The following RPAP2 variants were observed in gnomAD, a reference collection of about 807,000 sequenced individuals.
The protein encoded by RPAP2 is putative RNA polymerase II subunit B1 CTD phosphatase RPAP2.
RPAP2 carries 52 observed loss-of-function variants against 73.1 expected under a neutral mutation model. The observed-to-expected ratio is 0.71, with a 90% CI of 0.57 to 0.90. RPAP2 has a LOEUF of 0.90. Among genes scored for constraint, RPAP2 ranks in the 40% least tolerant of loss-of-function variants. RPAP2 has a pLI of 0.00. For missense variants in RPAP2, 598 were observed against 701.8 expected (o/e 0.85, Z 1.67); for synonymous variants, 225 against 242.1 (o/e 0.93, Z 0.65).
At chr1:92,328,121 G>T (rs2101201655) in intron 8 of RPAP2, among the ~76,000 whole-genome samples, 1 of 152,314 alleles carries the variant, frequency 6.6e-6, no homozygotes, top group East Asian at 1.9e-4. Flanking sequence ...ATAACCTGAT[G>T]ACTATGTGCC....
intron 10 of RPAP2, among the ~76,000 whole-genome samples, chr1:92,338,457 T>C (rs947685270): frequency 6.6e-6 from 1 of 152,158 alleles, no homozygotes; most frequent in South Asian, 2.1e-4. Context: ...CACAGAACCA[T>C]GCATCCAAAA....
At chr1:92,358,628 C>T (rs935354884) in intron 11 of RPAP2, among the ~76,000 whole-genome samples, 3 of 152,072 alleles carry the variant, frequency 2.0e-5, no homozygotes, top group Admixed American at 6.6e-5. Flanking sequence ...CGCTCTGTCA[C>T]CCAGGCTAAA....
rs1005614063 is a variant in RPAP2, at chr1:92,326,369, G to C, written c.1455+1994G>C. 4.6e-5 allele frequency among the ~76,000 whole-genome samples: 7 copies of C among 152,296 alleles called. No individual in the cohort carries two copies. In the South Asian group the frequency reaches 6.2e-4, roughly 14 times the overall value. ...CACCTGCTCTGGTGGAGATGGCAGG[G>C]GGGTGAAATGGATTCTGTGAGGATC... On this transcript the variant is annotated intron_variant, in intron 8 of 12. Coordinates refer to ENST00000610020, the MANE Select transcript of RPAP2 (RefSeq NM_024813.3).
chr1:92,311,571 T>C (rs966986583), intron 6 of RPAP2, among the ~76,000 whole-genome samples: 7 of 152,204 alleles, frequency 4.6e-5, no homozygotes, highest in African/African-American at 1.7e-4. Flanking sequence ...AATTTGAACT[T>C]GGCATCACTG....
intron 12 of RPAP2, among the ~76,000 whole-genome samples, chr1:92,382,922 A>C (rs1410073931): frequency 6.8e-6 from 1 of 147,440 alleles, no homozygotes; most frequent in Non-Finnish European, 1.5e-5. Flanking sequence ...TAAGTCTTTA[A>C]TCCATCTTGA....
rs1652457085 is a variant in RPAP2, at chr1:92,323,786, A to G, written c.866A>G (p.Glu289Gly). Residue 289 changes from glutamate (E) to glycine (G), a missense_variant, in exon 8 of 13, where the codon GAA becomes GGA. Transcript: ENST00000610020. ...AGTCAGGAGAAAGATGCTACATGTG[A>G]ACTTCCTTTACAGAAAGTAAATACT... The part of the protein sequence containing the change: ...LDSQEKDATC[E>G]LPLQKVNTQS... 1 of 1,614,002 alleles carries G rather than the reference A, an allele frequency of 6.2e-7. No homozygotes were observed. The highest frequency in any genetic ancestry group is 1.3e-5 in the African/African-American group (1 of 74,940).
chr1:92,386,918 G>C, intron 12 of RPAP2, 93 bp from the exon 13 acceptor site: 3 of 1,004,866 alleles, frequency 3.0e-6, no homozygotes, highest in Non-Finnish European at 4.4e-6. Context: ...TCACCATGCT[G>C]GCCAGGTTGG....
At position 92,387,413 on chromosome 1, in the gene RPAP2, CTAA is replaced by C. The variant is rs1259007389; in HGVS notation, c.*403_*405del. On this transcript the variant is annotated 3_prime_UTR_variant, in exon 13 of 13. Coordinates refer to ENST00000610020, the MANE Select transcript of RPAP2 (RefSeq NM_024813.3). ...AAAGTTATGATTTTGACCTCCCAACCTAAACTCTAAATTCTAAAGATCAGTAAA... is the reference window on the plus strand; with the variant it reads ...AAAGTTATGATTTTGACCTCCCAACCACTCTAAATTCTAAAGATCAGTAAA... 6.5e-6 allele frequency: 1 copy of C among 154,274 alleles called. No homozygotes were observed. The highest frequency in any genetic ancestry group is 1.9e-4 in the East Asian group (1 of 5,278). 9.6% of individuals were successfully genotyped at this position (154,274 alleles called of 1,614,324 possible).
At chr1:92,329,310 G>A (rs1652828119) in intron 8 of RPAP2, among the ~76,000 whole-genome samples, 1 of 152,170 alleles carries the variant, frequency 6.6e-6, no homozygotes. Flanking sequence ...GGCCAATGGA[G>A]TTATGTTCCC....
At chr1:92,338,008 C>T (rs982203227) in intron 10 of RPAP2, among the ~76,000 whole-genome samples, 1 of 152,096 alleles carries the variant, frequency 6.6e-6, no homozygotes, top group African/African-American at 2.4e-5. Flanking sequence ...TTTGTATTAA[C>T]TATCATTCTG....
chr1:92,369,290 TTTTG>T (rs1557627712), intron 11 of RPAP2, among the ~76,000 whole-genome samples: 1 of 152,146 alleles, frequency 6.6e-6, no homozygotes, highest in African/African-American at 2.4e-5. Flanking sequence ...TGCTTGTTTG[TTTTG>T]TTTATGTTTT....
chr1:92,395,723 C>T lies in RPAP2; in HGVS notation c.*8712C>T, dbSNP rs1189174630. ...ACCATAATAAGTATCTGATAGAGGACTTGTATCTAGACTATGTAAAGAATT... is the reference window on the plus strand; with the variant it reads ...ACCATAATAAGTATCTGATAGAGGATTTGTATCTAGACTATGTAAAGAATT... On this transcript the variant is annotated 3_prime_UTR_variant, in exon 13 of 13. Coordinates refer to ENST00000610020, the MANE Select transcript of RPAP2 (RefSeq NM_024813.3). 1 of 150,886 alleles carries T rather than the reference C, an allele frequency of 6.6e-6. No homozygotes were observed. The highest frequency in any genetic ancestry group is 1.5e-5 in the Non-Finnish European group (1 of 67,844). The allele number at this position is 150,886 out of a possible 1,614,324, so 9.3% of individuals were successfully genotyped here.
chr1:92,397,700 C>T lies in RPAP2; in HGVS notation c.*10689C>T, dbSNP rs1446287308. The T allele has an allele frequency of 6.6e-6, 1 of 152,160 alleles. No individual in the cohort carries two copies. The highest frequency in any genetic ancestry group is 1.5e-5 in the Non-Finnish European group (1 of 68,038). 9.4% of individuals were successfully genotyped at this position (152,160 alleles called of 1,614,324 possible). On this transcript the variant is annotated 3_prime_UTR_variant, in exon 13 of 13. Coordinates refer to ENST00000610020, the MANE Select transcript of RPAP2 (RefSeq NM_024813.3). ...CTGGATTTTGGTTTCTAAATATTTT[C>T]CAATAGAAAAGAACCCAGGCTTCTT...
Position 92,380,775 on chromosome 1 carries a change from T to C in RPAP2, c.1740T>C (p.Phe580=), listed in dbSNP as rs2101447528. The C allele has an allele frequency of 6.2e-7, 1 of 1,606,250 alleles. No homozygotes were observed. The highest frequency in any genetic ancestry group is 1.3e-5 in the African/African-American group (1 of 74,520). ...AACATTCTCAGGAAGGTATGGTGTT[T>C]ACACGGTTTCTAGACACCCTCCTTG... is the stretch of plus-strand genomic sequence containing the variant. ...IQKHSQEGMV[F]TRFLDTLLEE... is the part of the protein sequence containing the mutation. Residue 580 remains phenylalanine (F), a synonymous_variant, in exon 12 of 13, where the codon TTT becomes TTC. Coordinates refer to ENST00000610020, the MANE Select transcript of RPAP2 (RefSeq NM_024813.3).
At chr1:92,312,881 G>T (rs1296054654) in intron 6 of RPAP2, among the ~76,000 whole-genome samples, 4 of 151,514 alleles carry the variant, frequency 2.6e-5, no homozygotes, top group African/African-American at 9.7e-5. Context: ...GAGTGCAGTG[G>T]CGCGATCTTG....
intron 3 of RPAP2, among the ~76,000 whole-genome samples, chr1:92,302,219 G>C (rs758001586): frequency 3.3e-5 from 5 of 151,940 alleles, no homozygotes; most frequent in Non-Finnish European, 7.4e-5. Context: ...AGACGTTGCA[G>C]TGAGCTGAGA....
At chr1:92,375,083 A>T (rs1461030625) in intron 11 of RPAP2, among the ~76,000 whole-genome samples, 1 of 152,214 alleles carries the variant, frequency 6.6e-6, no homozygotes, top group African/African-American at 2.4e-5. Context: ...TATAGACCTT[A>T]TTCAATTTTG....
intron 10 of RPAP2, among the ~76,000 whole-genome samples, chr1:92,345,340 G>A (rs1222311081): frequency 1.4e-5 from 2 of 141,114 alleles, no homozygotes; most frequent in Non-Finnish European, 3.0e-5. Flanking sequence ...AAGAGCCACT[G>A]CACTGCAGCC....
chr1:92,376,313 C>A (rs1409100862), intron 11 of RPAP2, among the ~76,000 whole-genome samples: 1 of 151,976 alleles, frequency 6.6e-6, no homozygotes, highest in Non-Finnish European at 1.5e-5. Context: ...TTATATAGAT[C>A]TATAATCATT....
Sources: allele counts gnomAD v4.1 joint callset (sites outside exome capture counted in the v4.1 genomes callset), GRCh38; gene constraint gnomAD v4.1.1; transcripts MANE v1.5; gene names NCBI Gene and HGNC (gene_info 2026-07-23, HGNC 2026-07-21).